ASNSD1: variants seen among roughly 807,000 people sequenced by gnomAD.
ASNSD1 encodes asparagine synthetase domain-containing protein 1.
In ASNSD1, 36 loss-of-function variants were observed where a neutral mutation model predicts 48.3. That is an observed-to-expected ratio of 0.75 (90% CI 0.57 to 0.99). The LOEUF (loss-of-function observed/expected upper bound fraction) is 0.99, where lower values mean the gene tolerates loss of function less well. Ranked by LOEUF, ASNSD1 falls within the 50% of genes least tolerant of loss-of-function variation. ASNSD1 has a pLI of 0.00. For missense variants in ASNSD1, 714 were observed against 758.2 expected (o/e 0.94, Z 0.69); for synonymous variants, 257 against 262.1 (o/e 0.98, Z 0.19).
At chr2:189,668,449 C>T (rs1221583966) in intron 5 of ASNSD1, among the ~76,000 whole-genome samples, 1 of 152,168 alleles carries the variant, frequency 6.6e-6, no homozygotes, top group East Asian at 1.9e-4. Context: ...GTGGAGGTTG[C>T]AGTGAGCCCA....
intron 3 of ASNSD1, 145 bp downstream of exon 3, chr2:189,665,596 GTGTATA>G (rs1407852350): frequency 0.014 from 1,529 of 111,502 alleles, 145 homozygotes; most frequent in African/African-American, 0.033. Context: ...ATATATATAT[GTGTATA>G]TATATATATA....
rs1189016175 is a variant in ASNSD1, at chr2:189,667,048, A to C, written c.916A>C (p.Asn306His). ...KRVLCLPRDE[N>H]LTANEVLKTC... ...TGTCTTGTGTTTACCTAGGGATGAA[A>C]ACCTGACAGCAAATGAAGTTTTGAA... The change falls in exon 4 of 6, where the codon AAC becomes CAC. Residue 306 changes from asparagine (N) to histidine (H), a missense_variant. Asn to His is a moderately conservative substitution (Grantham distance 68). Transcript: ENST00000260952. 1 of 1,614,070 alleles carries C rather than the reference A, an allele frequency of 6.2e-7. No homozygotes were observed. The highest frequency in any genetic ancestry group is 8.5e-7 in the Non-Finnish European group (1 of 1,179,974).
chr2:189,665,223 A>G (rs2032758324), intron 2 of ASNSD1, 153 bp from the exon 3 acceptor site: 1 of 368,438 alleles, frequency 2.7e-6, no homozygotes, highest in Non-Finnish European at 4.8e-6. Flanking sequence ...GTAGTTGGGC[A>G]GTGGGTGACT....
rs536138565 is a variant in ASNSD1 at position 189,667,353 on chromosome 2, C to A, written c.1221C>A (p.Ile407=). ...AACATGTCAGTGTACCAGATCGAAT[C>A]ACAGGAAGGGCGGGACTAAAGGAAC... is the stretch of plus-strand genomic sequence containing the variant. The part of the protein sequence containing the change: ...PNKHVSVPDR[I]TGRAGLKELQ... The change falls in exon 4 of 6, where the codon ATC becomes ATA. Residue 407 remains isoleucine (I), a synonymous_variant. Coordinates refer to ENST00000260952, the MANE Select transcript of ASNSD1 (RefSeq NM_019048.4). 1 of 1,614,154 alleles carries A rather than the reference C, an allele frequency of 6.2e-7. No individual in the cohort carries two copies. Among genetic ancestry groups the A allele is most frequent in the African/African-American group, 1.3e-5 (1 of 75,070 alleles).
rs545637427 is a variant in ASNSD1 at position 189,662,888 on chromosome 2, G to T, written c.-222-1013G>T. Among the ~76,000 whole-genome samples, 80 of 147,964 alleles carry T rather than the reference G, an allele frequency of 5.4e-4. 2 individuals carry two copies. Among genetic ancestry groups the T allele is most frequent in the African/African-American group, 1.7e-3 (69 of 39,860 alleles). On this transcript the variant is annotated intron_variant, in intron 1 of 5. Transcript: ENST00000260952. ...GCCTGAGCCCGGGAAGATCAAAGCT[G>T]CAGTGAGCCGTGATCGCACCACTGC...
At chr2:189,663,267 T>A (rs1268374133) in intron 1 of ASNSD1, among the ~76,000 whole-genome samples, 1 of 152,038 alleles carries the variant, frequency 6.6e-6, no homozygotes, top group Non-Finnish European at 1.5e-5. Flanking sequence ...TTATTTATTT[T>A]TTTGAGACGG....
Position 189,667,064 on chromosome 2 carries a change from A to G in ASNSD1, c.932A>G (p.Glu311Gly). The G allele has an allele frequency of 6.2e-7, 1 of 1,614,140 alleles. No individual in the cohort carries two copies. Among genetic ancestry groups the G allele is most frequent in the Non-Finnish European group, 8.5e-7 (1 of 1,179,982 alleles). The change falls in exon 4 of 6, where the codon GAA becomes GGA. Residue 311 changes from glutamate (E) to glycine (G), a missense_variant. Glu to Gly is a moderately conservative substitution (Grantham distance 98). Transcript: ENST00000260952. Reference sequence around the variant, plus strand: ...AGGGATGAAAACCTGACAGCAAATGAAGTTTTGAAAACGTGTGATAGGAAA... The same window carrying G: ...AGGGATGAAAACCTGACAGCAAATGGAGTTTTGAAAACGTGTGATAGGAAA... ...LPRDENLTAN[E>G]VLKTCDRKAN...
chr2:189,667,487 T>C lies in ASNSD1; in HGVS notation c.1355T>C (p.Leu452Ser), dbSNP rs1172069808. 2 of 1,614,088 alleles carry C rather than the reference T, an allele frequency of 1.2e-6. No individual in the cohort carries two copies. The highest frequency in any genetic ancestry group is 1.7e-6 in the Non-Finnish European group (2 of 1,180,036). Residue 452 changes from leucine to serine, a missense_variant, in exon 4 of 6, where the codon TTG becomes TCG. Transcript: ENST00000260952. ...RTRICHLIRP[L>S]DTVLDDSIGC... is the part of the protein sequence containing the mutation. ...CGAATATGTCACTTAATTCGGCCAT[T>C]GGATACAGTTTTGGATGATAGCATT... is the stretch of plus-strand genomic sequence containing the variant.
At chr2:189,662,821 G>A (rs777788275) in intron 1 of ASNSD1, among the ~76,000 whole-genome samples, 1 of 151,980 alleles carries the variant, frequency 6.6e-6, no homozygotes, top group Non-Finnish European at 1.5e-5. Flanking sequence ...TGGTGGCCCA[G>A]GCCTGTAGTC....
Position 189,670,768 on chromosome 2 carries a change from A to G in ASNSD1, c.*42A>G. The G allele has an allele frequency of 1.6e-6, 2 of 1,283,904 alleles. No individual in the cohort carries two copies. The highest frequency in any genetic ancestry group is 2.0e-6 in the Non-Finnish European group (2 of 976,002). 79.5% of individuals were successfully genotyped at this position (1,283,904 alleles called of 1,614,324 possible). On this transcript the variant is annotated 3_prime_UTR_variant, in exon 6 of 6. Coordinates refer to ENST00000260952, the MANE Select transcript of ASNSD1 (RefSeq NM_019048.4). ...ACAATATAAAAATAAGTTTTTATAT[A>G]ATTATATAAAAGTAAGATACTCTGC...
intron 5 of ASNSD1, among the ~76,000 whole-genome samples, chr2:189,668,984 T>C (rs766067854): frequency 3.3e-5 from 5 of 152,218 alleles, no homozygotes; most frequent in Non-Finnish European, 7.3e-5. Flanking sequence ...TGGTAGTTTA[T>C]TACAAGGGTG....
Position 189,667,223 on chromosome 2 carries a change from C to T in ASNSD1, c.1091C>T (p.Pro364Leu). 6.2e-7 allele frequency: 1 copy of T among 1,614,018 alleles called. No individual in the cohort carries two copies. Among genetic ancestry groups the T allele is most frequent in the East Asian group, 2.2e-5 (1 of 44,884 alleles). ...TTCATAGCTGAAGAAAAGACCATGC[C>T]AACTACCTTTAACAGAGAAGGGAAT... is the stretch of plus-strand genomic sequence containing the variant. Reference protein sequence around the residue: ...VAFIAEEKTMPTTFNREGNKQ... With the variant: ...VAFIAEEKTMLTTFNREGNKQ... The change falls in exon 4 of 6, where the codon CCA becomes CTA. Residue 364 changes from proline to leucine, a missense_variant. Physicochemically the swap from Pro to Leu is moderately conservative, Grantham distance 98 (BLOSUM62 -3). Transcript: ENST00000260952.
rs2032849630 is a variant in ASNSD1 at position 189,667,855 on chromosome 2, A to G, written c.1556A>G (p.Asn519Ser). 1.2e-6 allele frequency: 2 copies of G among 1,614,160 alleles called. No individual in the cohort carries two copies. The highest frequency in any genetic ancestry group is 1.7e-6 in the Non-Finnish European group (2 of 1,180,022). ...RFQSHGLEGL[N>S]KEIMMELGRI... Reference sequence around the variant, plus strand: ...CAGTCGCATGGGCTGGAAGGATTGAATAAGGAAATAATGATGGAACTGGGT... The same window carrying G: ...CAGTCGCATGGGCTGGAAGGATTGAGTAAGGAAATAATGATGGAACTGGGT... Residue 519 changes from asparagine to serine, a missense_variant, in exon 5 of 6, where the codon AAT becomes AGT. Physicochemically the swap from Asn to Ser is conservative, Grantham distance 46. Transcript: ENST00000260952.
intron 1 of ASNSD1, among the ~76,000 whole-genome samples, chr2:189,661,910 C>G (rs2032673999): frequency 6.6e-6 from 1 of 152,178 alleles, no homozygotes; most frequent in South Asian, 2.1e-4. Flanking sequence ...ACCGCCCACC[C>G]CAAATCTGTT....
chr2:189,668,011 T>C, intron 5 of ASNSD1, 66 bp downstream of exon 5: 1 of 1,460,660 alleles, frequency 6.8e-7, no homozygotes, highest in Non-Finnish European at 9.2e-7. Flanking sequence ...AAATGGAGAC[T>C]TTAAAGTTTG....
intron 1 of ASNSD1, among the ~76,000 whole-genome samples, chr2:189,663,562 T>C (rs1262902930): frequency 6.6e-6 from 1 of 152,174 alleles, no homozygotes; most frequent in Non-Finnish European, 1.5e-5. Flanking sequence ...CTGGTGTATA[T>C]CATATATTTT....
chr2:189,668,197 G>C (rs1024544337), intron 5 of ASNSD1, among the ~76,000 whole-genome samples: 3 of 152,140 alleles, frequency 2.0e-5, no homozygotes, highest in African/African-American at 4.8e-5. Context: ...TGACAGGATT[G>C]TTTTTAAGAC....
rs79630981 is a variant in ASNSD1, at chr2:189,670,619, A to C, written c.1825A>C (p.Arg609=). 5 of 1,614,072 alleles carry C rather than the reference A, an allele frequency of 3.1e-6. No homozygotes were observed. In the East Asian group the frequency reaches 8.9e-5, roughly 29 times the overall value. Residue 609 remains arginine, a synonymous_variant, in exon 6 of 6, where the codon AGA becomes CGA. Coordinates refer to ENST00000260952, the MANE Select transcript of ASNSD1 (RefSeq NM_019048.4). ...CAAACGGGCCATGCAGTTTGGATCA[A>C]GAATTGCAAAAATGGAAAAAATTAA... ...LPKRAMQFGS[R]IAKMEKINEK...
At position 189,667,313 on chromosome 2, in the gene ASNSD1, C is replaced by T. The variant is rs2105687710; in HGVS notation, c.1181C>T (p.Ala394Val). Residue 394 changes from alanine to valine, a missense_variant, in exon 4 of 6, where the codon GCT becomes GTT. Transcript: ENST00000260952. ...EFSKDVAAAA[A>V]DSPNKHVSVP... ...TCTAAAGATGTTGCTGCTGCTGCTG[C>T]TGACAGTCCTAATAAACATGTCAGT... 6.2e-7 allele frequency: 1 copy of T among 1,614,112 alleles called. No individual in the cohort carries two copies. Among genetic ancestry groups the T allele is most frequent in the Middle Eastern group, 1.6e-4 (1 of 6,062 alleles).
Sources: allele counts gnomAD v4.1 joint callset (sites outside exome capture counted in the v4.1 genomes callset), GRCh38; gene constraint gnomAD v4.1.1; transcripts MANE v1.5; gene names NCBI Gene and HGNC (gene_info 2026-07-23, HGNC 2026-07-21).